Variants in FMN1 observed in about 807,000 individuals in gnomAD.
FMN1 encodes formin-1.
In FMN1, 110 loss-of-function variants were observed where a neutral mutation model predicts 132.4. The ratio of observed to expected loss-of-function variants is 0.83; its 90% CI spans 0.71 to 0.97. The LOEUF (loss-of-function observed/expected upper bound fraction) is 0.97. FMN1 is among the 50% of genes least tolerant of loss of function. The pLI is 0.00. For synonymous variants in FMN1, 722 were observed against 651.7 expected, an observed-to-expected ratio of 1.11 and a Z score of -1.64; for missense variants, 1,792 against 1,705.3, an observed-to-expected ratio of 1.05 and a Z score of -0.90.
intron 17 of FMN1, among the ~76,000 whole-genome samples, chr15:32,807,896 G>A (rs1002950745): frequency 2.0e-5 from 3 of 152,202 alleles, no homozygotes; most frequent in African/African-American, 7.2e-5. Flanking sequence ...GTGTGACTTG[G>A]AAGCTCTAAC....
intron 4 of FMN1, among the ~76,000 whole-genome samples, chr15:33,109,007 C>CCTA (rs1464259093): frequency 2.6e-5 from 4 of 151,988 alleles, no homozygotes; most frequent in African/African-American, 9.7e-5. Context: ...TGTCCCCATG[C>CCTA]CTACAATTAA....
At position 32,933,183 on chromosome 15, in the gene FMN1, C is replaced by G. The variant is rs114716500; in HGVS notation, c.3139-6922G>C. 2.8e-3 allele frequency among the ~76,000 whole-genome samples: 427 copies of G among 152,142 alleles called. 6 individuals are homozygous for G. The highest frequency in any genetic ancestry group is 9.9e-3 in the African/African-American group (413 of 41,548). ...GTTTTGGTATGTTGTATTTTTGTTT[C>G]TGTTTGTCACAAGATATTTTCCAAT... On this transcript the variant is annotated intron_variant, in intron 9 of 20. Coordinates refer to ENST00000616417, the MANE Select transcript of FMN1 (RefSeq NM_001277313.2).
At chr15:32,874,670 T>A (rs1046771458) in intron 16 of FMN1, among the ~76,000 whole-genome samples, 1 of 152,156 alleles carries the variant, frequency 6.6e-6, no homozygotes, top group African/African-American at 2.4e-5. Flanking sequence ...TAGGAATAAA[T>A]CTCTCCCCTA....
intron 7 of FMN1, among the ~76,000 whole-genome samples, chr15:32,991,564 G>T (rs2033436343): frequency 6.6e-6 from 1 of 152,106 alleles, no homozygotes; most frequent in African/African-American, 2.4e-5. Context: ...TTTCTCCTCT[G>T]CAGGGCTGTC....
chr15:33,031,409 C>A (rs189532585), intron 6 of FMN1, among the ~76,000 whole-genome samples: 1 of 152,160 alleles, frequency 6.6e-6, no homozygotes, highest in Admixed American at 6.5e-5. Flanking sequence ...CAGGCCCAGT[C>A]CTCTCCAGAG....
At chr15:32,793,079 G>C (rs1266660254) in intron 19 of FMN1, among the ~76,000 whole-genome samples, 1 of 152,170 alleles carries the variant, frequency 6.6e-6, no homozygotes, top group African/African-American at 2.4e-5. Flanking sequence ...AAAGAAGTTA[G>C]AAGGGAAAAG....
chr15:32,967,515 T>C (rs1379797612), intron 8 of FMN1, among the ~76,000 whole-genome samples: 1 of 152,166 alleles, frequency 6.6e-6, no homozygotes. Flanking sequence ...GAGTCTTTAT[T>C]GGGAAAAAGG....
At chr15:32,987,459 A>G (rs1413381591) in intron 7 of FMN1, among the ~76,000 whole-genome samples, 1 of 152,066 alleles carries the variant, frequency 6.6e-6, no homozygotes, top group Non-Finnish European at 1.5e-5. Flanking sequence ...TTAGACCATC[A>G]CCTTTCCCCC....
At chr15:33,015,057 T>A (rs953258165) in intron 6 of FMN1, among the ~76,000 whole-genome samples, 1 of 152,202 alleles carries the variant, frequency 6.6e-6, no homozygotes, top group African/African-American at 2.4e-5. Flanking sequence ...ACGCCTCAGG[T>A]TGAACAGCTT....
At chr15:32,877,869 CTCAT>C (rs1163275900) in intron 16 of FMN1, among the ~76,000 whole-genome samples, 1 of 147,028 alleles carries the variant, frequency 6.8e-6, no homozygotes, top group Admixed American at 6.6e-5. Flanking sequence ...TGTTCATTTG[CTCAT>C]TCATTCACCC....
chr15:32,995,655 T>G (rs773112167), intron 7 of FMN1, among the ~76,000 whole-genome samples: 50 of 152,326 alleles, frequency 3.3e-4, no homozygotes, highest in Non-Finnish European at 5.3e-4. Flanking sequence ...ATTTGACACG[T>G]GCTCAATTGG....
chr15:33,079,618 G>A (rs546160305), intron 5 of FMN1, among the ~76,000 whole-genome samples: 57 of 152,286 alleles, frequency 3.7e-4, no homozygotes, highest in Admixed American at 9.1e-4. Flanking sequence ...GCGAGACTCC[G>A]TCTCAAAAAA....
intron 5 of FMN1, among the ~76,000 whole-genome samples, chr15:33,073,187 CTCA>C (rs1026360252): frequency 3.3e-5 from 5 of 152,308 alleles, no homozygotes; most frequent in Admixed American, 6.5e-5. Context: ...CCCCCACATT[CTCA>C]TCAGACTTCA....
intron 4 of FMN1, among the ~76,000 whole-genome samples, chr15:33,103,311 CCTCT>C (rs1007183619): frequency 1.3e-5 from 2 of 152,200 alleles, no homozygotes. Flanking sequence ...ATTTGTTTAA[CCTCT>C]CTATGTCCCA....
intron 9 of FMN1, among the ~76,000 whole-genome samples, chr15:32,950,228 A>C (rs1032326588): frequency 4.0e-5 from 6 of 151,070 alleles, no homozygotes; most frequent in African/African-American, 1.5e-4. Context: ...ATGCTTTTAC[A>C]CTGTTGGTGG....
intron 10 of FMN1, among the ~76,000 whole-genome samples, chr15:32,911,115 T>C (rs1229502683): frequency 2.0e-5 from 3 of 152,224 alleles, no homozygotes; most frequent in African/African-American, 7.2e-5. Context: ...AGGCAGGCTC[T>C]CATTCCCATG....
intron 16 of FMN1, among the ~76,000 whole-genome samples, chr15:32,880,314 G>A (rs1327531782): frequency 6.6e-6 from 1 of 151,764 alleles, no homozygotes; most frequent in Non-Finnish European, 1.5e-5. Flanking sequence ...GATTTAGTTT[G>A]TTTTCTATGA....
chr15:32,796,755 A>G (rs2057303171), intron 19 of FMN1, among the ~76,000 whole-genome samples: 1 of 152,244 alleles, frequency 6.6e-6, no homozygotes, highest in South Asian at 2.1e-4. Flanking sequence ...CCTGGATATC[A>G]AGCAGTTTGT....
intron 6 of FMN1, among the ~76,000 whole-genome samples, chr15:33,058,157 C>A (rs987257250): frequency 3.0e-5 from 4 of 134,292 alleles, no homozygotes; most frequent in Non-Finnish European, 6.9e-5. Context: ...GGAGAGGTCG[C>A]TTGGTGGATG....
Sources: allele counts gnomAD v4.1 joint callset (sites outside exome capture counted in the v4.1 genomes callset), GRCh38; gene constraint gnomAD v4.1.1; transcripts MANE v1.5; gene names NCBI Gene and HGNC (gene_info 2026-07-23, HGNC 2026-07-21).